Variants in TM2D1 observed in about 807,000 individuals in gnomAD.
TM2D1 encodes the protein TM2 domain-containing protein 1.
A neutral mutation model predicts 28.4 loss-of-function variants in TM2D1; 15 were observed. That is an observed-to-expected ratio of 0.53 (90% CI 0.35 to 0.81). The LOEUF (loss-of-function observed/expected upper bound fraction) is 0.81. Ranked by LOEUF, TM2D1 falls within the 40% of genes least tolerant of loss-of-function variation. The pLI is 0.01. For missense variants in TM2D1, 236 were observed against 254.9 expected, an observed-to-expected ratio of 0.93 and a Z score of 0.50; for synonymous variants, 93 against 96.2, an observed-to-expected ratio of 0.97 and a Z score of 0.20.
chr1:61,716,709 C>T (rs1051246341), intron 2 of TM2D1, among the ~76,000 whole-genome samples: 12 of 151,080 alleles, frequency 7.9e-5, no homozygotes, highest in Non-Finnish European at 1.3e-4. Flanking sequence ...ATAAAAATAA[C>T]GTAAGATTTT....
At chr1:61,713,488 C>CA (rs369601221) in intron 2 of TM2D1, among the ~76,000 whole-genome samples, 5,780 of 91,290 alleles carry the variant, frequency 0.063, 176 homozygotes, top group African/African-American at 0.11. Flanking sequence ...AACTCAAAAA[C>CA]AAAAAAAAAA....
chr1:61,715,502 G>A lies in TM2D1; in HGVS notation c.239-6065C>T, dbSNP rs993696801. 4.6e-4 allele frequency among the ~76,000 whole-genome samples: 70 copies of A among 151,460 alleles called. 2 individuals are homozygous for A. The highest frequency in any genetic ancestry group is 1.5e-4 in the Non-Finnish European group (10 of 67,884). ...GTCTCTACTAAAAATACACAAATTAGCCAGGCATGGTGACCTGCATCCGTA... is the reference window on the plus strand; with the variant it reads ...GTCTCTACTAAAAATACACAAATTAACCAGGCATGGTGACCTGCATCCGTA... On this transcript the variant is annotated intron_variant, in intron 2 of 6. Transcript: ENST00000606498.
At chr1:61,723,525 G>A (rs2148072624) in intron 2 of TM2D1, among the ~76,000 whole-genome samples, 188 bp downstream of exon 2, 1 of 152,172 alleles carries the variant, frequency 6.6e-6, no homozygotes, top group East Asian at 1.9e-4. Context: ...GAACAAGTAA[G>A]ATTCTTTTTT....
chr1:61,713,075 C>A (rs570828575), intron 2 of TM2D1, among the ~76,000 whole-genome samples: 3 of 151,664 alleles, frequency 2.0e-5, no homozygotes, highest in Non-Finnish European at 2.9e-5. Context: ...GAGGCTGAGG[C>A]AGGAGGATCG....
chr1:61,694,972 A>C (rs1254998546), intron 4 of TM2D1, among the ~76,000 whole-genome samples: 1 of 152,080 alleles, frequency 6.6e-6, no homozygotes, highest in African/African-American at 2.4e-5. Flanking sequence ...ATGCCAAAAA[A>C]TAATTTAATT....
intron 1 of TM2D1, among the ~76,000 whole-genome samples, chr1:61,724,746 A>G (rs1439855127): frequency 6.6e-6 from 1 of 152,204 alleles, no homozygotes; most frequent in East Asian, 1.9e-4. Context: ...GCCAATGACT[A>G]GTAAAATCAT....
rs551140107 is a variant in TM2D1 at position 61,714,086 on chromosome 1, G to A, written c.239-4649C>T. ...AATTTTTTGTATTTTTAGTAGAGAC[G>A]GGGTTTCACCTTGTTAGCCAGGATG... On this transcript the variant is annotated intron_variant, in intron 2 of 6. Coordinates refer to ENST00000606498, the MANE Select transcript of TM2D1 (RefSeq NM_032027.3). Among the ~76,000 whole-genome samples, 65 of 144,262 alleles carry A rather than the reference G, an allele frequency of 4.5e-4. 1 individual carries two copies. The South Asian group carries it at 8.3e-3, about 18-fold the overall frequency. 94.6% of individuals were successfully genotyped at this position (144,262 alleles called of 152,430 possible). A position where few individuals can be genotyped will look rare whatever the true frequency, so the allele number is the denominator to read the frequency against.
intron 3 of TM2D1, among the ~76,000 whole-genome samples, chr1:61,704,959 G>T (rs2148052752): frequency 6.6e-6 from 1 of 152,238 alleles, no homozygotes; most frequent in Non-Finnish European, 1.5e-5. Context: ...GAAAGATTAA[G>T]ATATGAACTG....
intron 2 of TM2D1, among the ~76,000 whole-genome samples, chr1:61,719,328 G>T (rs1263273750): frequency 6.6e-6 from 1 of 152,080 alleles, no homozygotes; most frequent in Non-Finnish European, 1.5e-5. Flanking sequence ...GGGATTACAG[G>T]CATGGGCCAC....
intron 5 of TM2D1, 67 bp downstream of exon 5, chr1:61,694,630 G>A: frequency 9.3e-7 from 1 of 1,080,534 alleles, no homozygotes; most frequent in South Asian, 1.5e-5. Context: ...ATTTTAAATA[G>A]AACAGGAGAT....
Position 61,717,962 on chromosome 1 carries a change from C to T in TM2D1, c.238+5751G>A, listed in dbSNP as rs577311378. Reference sequence around the variant, plus strand: ...CCTGAAGATGGAGGCTGCAGTGAGCCGTGATCGCACCACTGCACTTCAGCC... The same window carrying T: ...CCTGAAGATGGAGGCTGCAGTGAGCTGTGATCGCACCACTGCACTTCAGCC... On this transcript the variant is annotated intron_variant, in intron 2 of 6. Transcript: ENST00000606498. 1.2e-4 allele frequency among the ~76,000 whole-genome samples: 18 copies of T among 151,982 alleles called. No homozygotes were observed. In the South Asian group the frequency reaches 3.8e-3, roughly 32 times the overall value.
intron 2 of TM2D1, among the ~76,000 whole-genome samples, chr1:61,712,511 AG>A (rs1227957003): frequency 6.6e-6 from 1 of 152,114 alleles, no homozygotes; most frequent in East Asian, 1.9e-4. Context: ...CCTGGGTTCA[AG>A]CAATTCTCAT....
chr1:61,697,902 C>T (rs1349008843), intron 4 of TM2D1: 1 of 152,256 alleles, frequency 6.6e-6, no homozygotes. Flanking sequence ...ATATTATTCC[C>T]TTATCCAATA....
At chr1:61,682,892 C>CAAAAAAA (rs66468339) in intron 6 of TM2D1, among the ~76,000 whole-genome samples, 3 of 60,558 alleles carry the variant, frequency 5.0e-5, no homozygotes, top group African/African-American at 5.1e-5. Context: ...GACTCTGTCT[C>CAAAAAAA]AAAAAAAAAA....
At chr1:61,719,751 T>G (rs1490177980) in intron 2 of TM2D1, among the ~76,000 whole-genome samples, 1 of 152,154 alleles carries the variant, frequency 6.6e-6, no homozygotes, top group Non-Finnish European at 1.5e-5. Context: ...TGCCTCGGCC[T>G]CCCCAAGTGC....
intron 3 of TM2D1, among the ~76,000 whole-genome samples, chr1:61,707,802 G>A (rs1056747593): frequency 1.3e-5 from 2 of 152,148 alleles, no homozygotes; most frequent in Non-Finnish European, 2.9e-5. Flanking sequence ...TGTAGCAATA[G>A]TCTAACAGTG....
At chr1:61,718,324 C>T (rs996630414) in intron 2 of TM2D1, among the ~76,000 whole-genome samples, 2 of 151,770 alleles carry the variant, frequency 1.3e-5, no homozygotes, top group African/African-American at 4.8e-5. Context: ...ATAAAGTTGG[C>T]AAGAGCCAAT....
At chr1:61,699,424 G>T (rs1644386908) in intron 4 of TM2D1, 1 of 152,018 alleles carries the variant, frequency 6.6e-6, no homozygotes, top group Non-Finnish European at 1.5e-5. Context: ...ATATCTAAAG[G>T]ACCCAACTCC....
chr1:61,716,237 T>A (rs72925687), intron 2 of TM2D1, among the ~76,000 whole-genome samples: 5,946 of 151,208 alleles, frequency 0.039, 344 homozygotes, highest in African/African-American at 0.13. Flanking sequence ...GAAGATCTCT[T>A]GAGCCTAGGA....
Sources: gnomAD v4.1 joint callset for allele counts (sites outside exome capture counted in the v4.1 genomes callset) on GRCh38, gnomAD v4.1.1 for gene constraint, MANE v1.5 for transcripts, NCBI Gene and HGNC (gene_info 2026-07-23, HGNC 2026-07-21) for gene names.